PPM1E: variants seen among roughly 807,000 people sequenced by gnomAD.
The protein encoded by PPM1E is protein phosphatase 1E.
In PPM1E, 20 loss-of-function variants were observed where a neutral mutation model predicts 65.9. The observed-to-expected ratio is 0.30, with a 90% confidence interval of 0.21 to 0.44. PPM1E has a LOEUF of 0.44. PPM1E is among the 20% of genes least tolerant of loss of function. The pLI is 1.00. For missense variants in PPM1E, 713 were observed against 953.1 expected (o/e 0.75, Z 3.32); for synonymous variants, 352 against 374.9 (o/e 0.94, Z 0.70).
At chr17:58,926,022 G>A (rs2051819719) in intron 1 of PPM1E, among the ~76,000 whole-genome samples, 1 of 152,112 alleles carries the variant, frequency 6.6e-6, no homozygotes, top group Non-Finnish European at 1.5e-5. Context: ...GTGTGTTAAT[G>A]TTAAGTGGTT....
At chr17:58,791,722 A>G (rs2050159380) in intron 1 of PPM1E, among the ~76,000 whole-genome samples, 1 of 152,050 alleles carries the variant, frequency 6.6e-6, no homozygotes, top group African/African-American at 2.4e-5. Flanking sequence ...AGTTTTGGGG[A>G]TTTAATCATA....
chr17:58,861,081 T>G (rs2050934070), intron 1 of PPM1E, among the ~76,000 whole-genome samples: 1 of 152,256 alleles, frequency 6.6e-6, no homozygotes, highest in Non-Finnish European at 1.5e-5. Flanking sequence ...CAATGATTGT[T>G]TTTGAGAAGC....
rs193280239 is a variant in PPM1E, at chr17:58,763,094, A to G, written c.464+6633A>G. ...AGTTGTTTTTAATTTTTACACATAT[A>G]TTAAGTTAATACTGACTGCTCTAAT... is the stretch of plus-strand genomic sequence containing the variant. On this transcript the variant is annotated intron_variant, in intron 1 of 6. Transcript: ENST00000308249. Among the ~76,000 whole-genome samples, 769 of 152,178 alleles carry G rather than the reference A, an allele frequency of 5.1e-3. 3 individuals carry two copies. Among genetic ancestry groups the G allele is most frequent in the Non-Finnish European group, 6.7e-3 (458 of 68,028 alleles).
chr17:58,879,356 T>A (rs182350862), intron 1 of PPM1E, among the ~76,000 whole-genome samples: 6 of 151,014 alleles, frequency 4.0e-5, no homozygotes, highest in African/African-American at 1.4e-4. Context: ...ATCAAACTCC[T>A]GGACTCAAGC....
At chr17:58,886,830 GA>G (rs1177854982) in intron 1 of PPM1E, among the ~76,000 whole-genome samples, 6 of 152,196 alleles carry the variant, frequency 3.9e-5, no homozygotes, top group Non-Finnish European at 8.8e-5. Context: ...CATATCTATG[GA>G]GATAGAAAGC....
intron 1 of PPM1E, among the ~76,000 whole-genome samples, chr17:58,772,176 A>T (rs1189729978): frequency 6.6e-6 from 1 of 152,116 alleles, no homozygotes; most frequent in African/African-American, 2.4e-5. Context: ...ATATAGATGC[A>T]GGCTGGGCGC....
intron 1 of PPM1E, among the ~76,000 whole-genome samples, chr17:58,891,949 T>C (rs2051352881): frequency 6.6e-6 from 1 of 151,052 alleles, no homozygotes; most frequent in African/African-American, 2.4e-5. Flanking sequence ...GATTTTCATG[T>C]CTCAGCCACC....
At chr17:58,947,513 G>T (rs1028758453) in intron 1 of PPM1E, among the ~76,000 whole-genome samples, 5 of 150,862 alleles carry the variant, frequency 3.3e-5, no homozygotes, top group African/African-American at 1.2e-4. Flanking sequence ...CTGGGATTAC[G>T]GGTACGAGAC....
chr17:58,756,765 C>G (rs753688375), intron 1 of PPM1E, among the ~76,000 whole-genome samples: 29 of 152,324 alleles, frequency 1.9e-4, no homozygotes, highest in Middle Eastern at 6.8e-3. Context: ...ACCTCGGCCC[C>G]CAGCTTCTAG....
At chr17:58,900,502 T>G (rs2051485460) in intron 1 of PPM1E, among the ~76,000 whole-genome samples, 1 of 152,222 alleles carries the variant, frequency 6.6e-6, no homozygotes. Flanking sequence ...GTTATGTACA[T>G]TTTTTAGACA....
intron 1 of PPM1E, among the ~76,000 whole-genome samples, chr17:58,826,663 T>A (rs2050540130): frequency 6.6e-6 from 1 of 152,180 alleles, no homozygotes; most frequent in South Asian, 2.1e-4. Context: ...CCTGGCTCTG[T>A]CGCCCAGGCT....
At chr17:58,863,376 G>A (rs962755194) in intron 1 of PPM1E, among the ~76,000 whole-genome samples, 1 of 152,212 alleles carries the variant, frequency 6.6e-6, no homozygotes, top group Non-Finnish European at 1.5e-5. Context: ...AACAAATGCT[G>A]GAACGAGCCG....
intron 1 of PPM1E, among the ~76,000 whole-genome samples, chr17:58,811,075 C>T (rs534960526): frequency 6.6e-6 from 1 of 152,182 alleles, no homozygotes; most frequent in African/African-American, 2.4e-5. Flanking sequence ...CCAGGCTGGT[C>T]TCGAATTCCT....
At chr17:58,842,013 T>C (rs1161256806) in intron 1 of PPM1E, among the ~76,000 whole-genome samples, 1 of 152,160 alleles carries the variant, frequency 6.6e-6, no homozygotes, top group Non-Finnish European at 1.5e-5. Flanking sequence ...GGCCAATTTT[T>C]GTATTTTTAA....
intron 1 of PPM1E, among the ~76,000 whole-genome samples, chr17:58,876,475 A>T (rs2051127915): frequency 6.6e-6 from 1 of 152,200 alleles, no homozygotes; most frequent in African/African-American, 2.4e-5. Flanking sequence ...GATAATTTGA[A>T]ATCTGTTATA....
At chr17:58,849,172 T>G (rs1367313675) in intron 1 of PPM1E, among the ~76,000 whole-genome samples, 1 of 152,208 alleles carries the variant, frequency 6.6e-6, no homozygotes, top group Admixed American at 6.5e-5. Flanking sequence ...CTTTTCTTCA[T>G]TAGTCTTGCT....
intron 2 of PPM1E, among the ~76,000 whole-genome samples, chr17:58,963,629 A>G (rs2030116908): frequency 6.6e-6 from 1 of 152,032 alleles, no homozygotes; most frequent in African/African-American, 2.4e-5. Flanking sequence ...GAATGGTGTG[A>G]ACCCAGGAGG....
intron 1 of PPM1E, among the ~76,000 whole-genome samples, chr17:58,773,747 C>T (rs1013574613): frequency 2.0e-5 from 3 of 152,066 alleles, no homozygotes; most frequent in African/African-American, 7.2e-5. Context: ...AAGTGTTGAA[C>T]GTGAATTACC....
At chr17:58,896,973 T>C (rs1409518242) in intron 1 of PPM1E, among the ~76,000 whole-genome samples, 2 of 152,164 alleles carry the variant, frequency 1.3e-5, no homozygotes, top group African/African-American at 4.8e-5. Context: ...CCTAGGGCCC[T>C]TAAGAATTAT....
Sources: gnomAD v4.1 joint callset for allele counts (sites outside exome capture counted in the v4.1 genomes callset) on GRCh38, gnomAD v4.1.1 for gene constraint, MANE v1.5 for transcripts, NCBI Gene and HGNC (gene_info 2026-07-23, HGNC 2026-07-21) for gene names.